LSM11: variants seen among roughly 807,000 people sequenced by gnomAD.
LSM11 encodes U7 snRNA-associated Sm-like protein LSm11.
A neutral mutation model predicts 28.1 loss-of-function variants in LSM11; 14 were observed. The ratio of observed to expected loss-of-function variants is 0.50; its 90% CI spans 0.33 to 0.78. The LOEUF (loss-of-function observed/expected upper bound fraction) is 0.78, where lower values mean the gene tolerates loss of function less well. LSM11 is among the 30% of genes least tolerant of loss of function. LSM11 has a pLI of 0.02. For missense variants in LSM11, 495 were observed against 510.6 expected (o/e 0.97, Z 0.30); for synonymous variants, 207 against 214.2 (o/e 0.97, Z 0.30).
chr5:157,751,648 T>A, intron 2 of LSM11, 119 bp downstream of exon 2: 1 of 1,177,378 alleles, frequency 8.5e-7, no homozygotes, highest in Non-Finnish European at 1.2e-6. Context: ...TTAGAAGAAC[T>A]AGAATTTTTG....
At position 157,744,068 on chromosome 5, in the gene LSM11, C is replaced by A; in HGVS notation, c.318C>A (p.Asp106Glu). 1 of 1,472,614 alleles carries A rather than the reference C, an allele frequency of 6.8e-7. No homozygotes were observed. Among genetic ancestry groups the A allele is most frequent in the Admixed American group, 2.2e-5 (1 of 44,702 alleles). The allele number at this position is 1,472,614 out of a possible 1,614,324, so 91.2% of individuals were successfully genotyped here. A position where few individuals can be genotyped will look rare whatever the true frequency, so the allele number is the denominator to read the frequency against. Residue 106 changes from aspartate to glutamate, a missense_variant, in exon 1 of 4, where the codon GAC (aspartate) becomes GAA (glutamate). Coordinates refer to ENST00000286307, the MANE Select transcript of LSM11 (RefSeq NM_173491.4). ...GCCGCCCGGACGCGCCCGCCCCGGACCCCGAGCGCATCCAGCGCCTCCGCC... is the reference window on the plus strand; with the variant it reads ...GCCGCCCGGACGCGCCCGCCCCGGAACCCGAGCGCATCCAGCGCCTCCGCC... ...TRRRPDAPAP[D>E]PERIQRLRRL... is the part of the protein sequence containing the mutation.
chr5:157,745,493 T>C (rs1358335804), intron 1 of LSM11, among the ~76,000 whole-genome samples: 2 of 152,216 alleles, frequency 1.3e-5, no homozygotes, highest in Non-Finnish European at 2.9e-5. Flanking sequence ...TGGGGGACCT[T>C]AATTTGCCTA....
chr5:157,751,948 A>G (rs1283882460), intron 2 of LSM11, among the ~76,000 whole-genome samples: 1 of 152,148 alleles, frequency 6.6e-6, no homozygotes, highest in Non-Finnish European at 1.5e-5. Flanking sequence ...AGCCTTAAGG[A>G]CCAATTATTT....
chr5:157,755,017 G>A lies in LSM11; in HGVS notation c.836G>A (p.Arg279His), dbSNP rs780925045. 3.1e-6 allele frequency: 5 copies of A among 1,614,108 alleles called. No homozygotes were observed. The highest frequency in any genetic ancestry group is 2.2e-5 in the East Asian group (1 of 44,872). Residue 279 changes from arginine (R) to histidine (H), a missense_variant, in exon 4 of 4, where the codon CGC becomes CAC. Arg to His is a conservative substitution (Grantham distance 29). Coordinates refer to ENST00000286307, the MANE Select transcript of LSM11 (RefSeq NM_173491.4). ...DTGRGSHKRSRSVPSSLQASA... is the reference protein window; with the variant it reads ...DTGRGSHKRSHSVPSSLQASA... ...GGCCGGGGCTCACACAAGCGTTCCC[G>A]CTCTGTCCCTTCTTCCCTGCAGGCC... is the stretch of plus-strand genomic sequence containing the variant.
intron 1 of LSM11, among the ~76,000 whole-genome samples, chr5:157,751,025 G>A (rs776881359): frequency 8.6e-4 from 131 of 152,178 alleles, no homozygotes; most frequent in South Asian, 1.7e-3. Context: ...CAGGTGATCC[G>A]CCCACCTCAG....
At chr5:157,751,204 C>G (rs957529054) in intron 1 of LSM11, among the ~76,000 whole-genome samples, 186 bp from the exon 2 acceptor site, 6 of 152,178 alleles carry the variant, frequency 3.9e-5, no homozygotes, top group African/African-American at 4.8e-5. Flanking sequence ...CTGTTGGAAT[C>G]TAGTCTTGTG....
At position 157,755,482 on chromosome 5, in the gene LSM11, A is replaced by G. The variant is rs1761309761; in HGVS notation, c.*218A>G. On this transcript the variant is annotated 3_prime_UTR_variant, in exon 4 of 4. Coordinates refer to ENST00000286307, the MANE Select transcript of LSM11 (RefSeq NM_173491.4). The stretch of plus-strand genomic sequence containing the variant: ...ATTAATATCAAGGCAAAAAGCATTC[A>G]TAGATACATGCATCTGATTTGGTAT... 1 of 578,996 alleles carries G rather than the reference A, an allele frequency of 1.7e-6. No individual in the cohort carries two copies. 35.9% of individuals were successfully genotyped at this position (578,996 alleles called of 1,614,324 possible). A position where few individuals can be genotyped will look rare whatever the true frequency, so the allele number is the denominator to read the frequency against.
At position 157,744,135 on chromosome 5, in the gene LSM11, G is replaced by T. The variant is rs1761109023; in HGVS notation, c.385G>T (p.Ala129Ser). The T allele has an allele frequency of 1.4e-6, 2 of 1,472,184 alleles. No homozygotes were observed. Among genetic ancestry groups the T allele is most frequent in the Admixed American group, 2.2e-5 (1 of 44,540 alleles). 91.2% of individuals were successfully genotyped at this position (1,472,184 alleles called of 1,614,324 possible). A position where few individuals can be genotyped will look rare whatever the true frequency, so the allele number is the denominator to read the frequency against. ...AGAGGAAGGGGACGGGGCCGCAGGA[G>T]CGGGCCGGAGGGGTCCGGGTCGGAG... ...AKEEGDGAAG[A>S]GRRGPGRSRK... is the part of the protein sequence containing the mutation. Residue 129 changes from alanine (A) to serine (S), a missense_variant, in exon 1 of 4, where the codon GCG becomes TCG. Coordinates refer to ENST00000286307, the MANE Select transcript of LSM11 (RefSeq NM_173491.4).
chr5:157,753,113 T>G (rs772541964), intron 2 of LSM11, among the ~76,000 whole-genome samples: 1 of 152,196 alleles, frequency 6.6e-6, no homozygotes, highest in Non-Finnish European at 1.5e-5. Flanking sequence ...GAGATTGGAA[T>G]GTTGGTCGCA....
intron 2 of LSM11, among the ~76,000 whole-genome samples, chr5:157,752,421 C>T (rs1168100020): frequency 2.0e-5 from 3 of 151,926 alleles, no homozygotes; most frequent in East Asian, 1.9e-4. Flanking sequence ...TGAGCCACTG[C>T]GCCCGGCCAC....
chr5:157,759,836 C>T lies in LSM11; in HGVS notation c.*4572C>T, dbSNP rs1269116511. 3 of 152,148 alleles carry T rather than the reference C, an allele frequency of 2.0e-5. No homozygotes were observed. The highest frequency in any genetic ancestry group is 4.4e-5 in the Non-Finnish European group (3 of 68,038). The allele number at this position is 152,148 out of a possible 1,614,324, so 9.4% of individuals were successfully genotyped here. On this transcript the variant is annotated 3_prime_UTR_variant, in exon 4 of 4. Coordinates refer to ENST00000286307, the MANE Select transcript of LSM11 (RefSeq NM_173491.4). ...TTGAGTTGATGGATTTAAGATAAGC[C>T]TTTGGGGTTCCTGTCAGTTTTCTGG...
At chr5:157,748,543 C>T (rs1298133876) in intron 1 of LSM11, among the ~76,000 whole-genome samples, 1 of 152,160 alleles carries the variant, frequency 6.6e-6, no homozygotes, top group African/African-American at 2.4e-5. Context: ...CCTACACATC[C>T]CTTCTGAATC....
At position 157,756,015 on chromosome 5, in the gene LSM11, C is replaced by T. The variant is rs1581453889; in HGVS notation, c.*751C>T. On this transcript the variant is annotated 3_prime_UTR_variant, in exon 4 of 4. Coordinates refer to ENST00000286307, the MANE Select transcript of LSM11 (RefSeq NM_173491.4). ...GGCTTCTTGTCCTTCTCTTTGACTT[C>T]TGTGGCATGGTGCTAGTGCATGTAC... 3.7e-6 allele frequency: 1 copy of T among 267,736 alleles called. No individual in the cohort carries two copies. The highest frequency in any genetic ancestry group is 7.0e-6 in the Non-Finnish European group (1 of 143,868). 16.6% of individuals were successfully genotyped at this position (267,736 alleles called of 1,614,324 possible). A position where few individuals can be genotyped will look rare whatever the true frequency, so the allele number is the denominator to read the frequency against.
chr5:157,747,253 A>G (rs1433293162), intron 1 of LSM11, among the ~76,000 whole-genome samples: 1 of 152,248 alleles, frequency 6.6e-6, no homozygotes, highest in East Asian at 1.9e-4. Flanking sequence ...TTCTAGGTAT[A>G]TCTGTCACTG....
chr5:157,747,603 G>C, intron 1 of LSM11: 1 of 215,942 alleles, frequency 4.6e-6, no homozygotes, highest in Admixed American at 4.2e-5. Flanking sequence ...TTTGAGTCCT[G>C]TTGTTGTAGT....
At chr5:157,754,820 A>C in intron 3 of LSM11, 34 bp from the exon 4 acceptor site, 1 of 1,573,014 alleles carries the variant, frequency 6.4e-7, no homozygotes, top group Non-Finnish European at 8.6e-7. Context: ...AAGGCTAAAG[A>C]GAAGGCTAAT....
intron 2 of LSM11, among the ~76,000 whole-genome samples, chr5:157,753,373 A>C (rs752046949): frequency 6.6e-6 from 1 of 152,152 alleles, no homozygotes; most frequent in Non-Finnish European, 1.5e-5. Flanking sequence ...TTATAACAGT[A>C]CTGTCAGCTT....
chr5:157,744,267 G>C, intron 1 of LSM11, 69 bp downstream of exon 1: 1 of 1,143,142 alleles, frequency 8.7e-7, no homozygotes, highest in Non-Finnish European at 1.1e-6. Context: ...GGGGGCGTCT[G>C]CGGGGCGGCG....
intron 1 of LSM11, among the ~76,000 whole-genome samples, chr5:157,748,838 G>T (rs1761182482): frequency 6.6e-6 from 1 of 152,218 alleles, no homozygotes; most frequent in African/African-American, 2.4e-5. Flanking sequence ...CTGGAAGGAT[G>T]TGGCAATAGA....
Sources: allele counts gnomAD v4.1 joint callset (sites outside exome capture counted in the v4.1 genomes callset), GRCh38; gene constraint gnomAD v4.1.1; transcripts MANE v1.5; gene names NCBI Gene and HGNC (gene_info 2026-07-23, HGNC 2026-07-21).